The following CCDC88C variants were observed in gnomAD, a reference collection of about 807,000 sequenced individuals.
The protein encoded by CCDC88C is coiled-coil and HOOK domain protein 88C.
CCDC88C carries 131 observed loss-of-function variants against 198.8 expected under a neutral mutation model. The observed-to-expected ratio is 0.66, with a 90% CI of 0.57 to 0.76. The LOEUF is 0.76. Ranked by LOEUF, CCDC88C falls within the 30% of genes least tolerant of loss-of-function variation. The pLI is 0.00. For synonymous variants in CCDC88C, 1,166 were observed against 1,114.7 expected (o/e 1.05, Z -0.92); for missense variants, 2,553 against 2,631.6 (o/e 0.97, Z 0.65).
chr14:91,312,443 G>A (rs553912673), intron 15 of CCDC88C, among the ~76,000 whole-genome samples: 14 of 152,278 alleles, frequency 9.2e-5, no homozygotes, highest in Admixed American at 6.5e-4. Flanking sequence ...AGCACTTTGG[G>A]AGGCCGAGGC....
At chr14:91,322,506 G>A (rs1480528560) in intron 12 of CCDC88C, among the ~76,000 whole-genome samples, 1 of 152,104 alleles carries the variant, frequency 6.6e-6, no homozygotes, top group Non-Finnish European at 1.5e-5. Context: ...ACGCTTGGAG[G>A]GCTCCATCCC....
intron 3 of CCDC88C, among the ~76,000 whole-genome samples, chr14:91,360,167 C>T (rs1894242393): frequency 3.3e-5 from 5 of 151,800 alleles, no homozygotes; most frequent in African/African-American, 1.2e-4. Flanking sequence ...CCTGTAGTCT[C>T]AACGCTTTGG....
chr14:91,272,327 G>GCC lies in CCDC88C; in HGVS notation c.*297_*298insGG. 9.5e-6 allele frequency: 4 copies of GCC among 420,504 alleles called. No homozygotes were observed. The highest frequency in any genetic ancestry group is 8.3e-5 in the South Asian group (3 of 36,210). 26.0% of individuals were successfully genotyped at this position (420,504 alleles called of 1,614,324 possible). ...CATACTGGAGTAGTGTCTGCTTTGGGGGAAGTCAGTTTGTCATTGCATCCT... is the reference window on the plus strand; with the variant it reads ...CATACTGGAGTAGTGTCTGCTTTGGGCCGGAAGTCAGTTTGTCATTGCATCCT... On this transcript the variant is annotated 3_prime_UTR_variant, in exon 30 of 30. Coordinates refer to ENST00000389857, the MANE Select transcript of CCDC88C (RefSeq NM_001080414.4).
At position 91,338,582 on chromosome 14, in the gene CCDC88C, G is replaced by A. The variant is rs777722111; in HGVS notation, c.810-12C>T. On this transcript the variant is annotated splice_polypyrimidine_tract_variant and intron_variant, in intron 8 of 29. Transcript: ENST00000389857. The surrounding 1 kb of genome is among the most constrained non-coding windows in gnomAD (Gnocchi z 4.8). ...CTGTCTTATCCTCCCTGCAGAGGCA[G>A]TAAGGAGAAAGAGTGTGGGAGGCAG... is the stretch of plus-strand genomic sequence containing the variant. 1.3e-6 allele frequency: 2 copies of A among 1,553,606 alleles called. No individual in the cohort carries two copies. Among genetic ancestry groups the A allele is most frequent in the East Asian group, 2.4e-5 (1 of 41,310 alleles).
chr14:91,347,729 G>A (rs545108151), intron 4 of CCDC88C, among the ~76,000 whole-genome samples: 32 of 152,340 alleles, frequency 2.1e-4, no homozygotes, highest in African/African-American at 7.7e-4. Flanking sequence ...CTTTTACACT[G>A]TTGGTGGGAC....
At chr14:91,406,170 G>A (rs528374358) in intron 3 of CCDC88C, among the ~76,000 whole-genome samples, 11 of 152,336 alleles carry the variant, frequency 7.2e-5, no homozygotes, top group African/African-American at 2.6e-4. Context: ...ACAGTCTCAA[G>A]TGAGTGTCAA....
At chr14:91,386,300 A>AAC (rs1555428165) in intron 3 of CCDC88C, among the ~76,000 whole-genome samples, 1 of 150,390 alleles carries the variant, frequency 6.6e-6, no homozygotes, top group African/African-American at 2.4e-5. Context: ...AAAAAAAAAA[A>AAC]AAAACAAAAA....
At chr14:91,385,452 G>T (rs1885073968) in intron 3 of CCDC88C, among the ~76,000 whole-genome samples, 1 of 152,158 alleles carries the variant, frequency 6.6e-6, no homozygotes, top group Admixed American at 6.5e-5. Context: ...AGGTTCCCAG[G>T]AGGAGGAGCT....
Position 91,313,745 on chromosome 14 carries a change from G to A in CCDC88C, c.2071C>T (p.Gln691Ter). The change falls in exon 15 of 30, where the codon CAG becomes TAG. Residue 691 changes from glutamine to a stop codon, truncating the protein, a stop_gained. Transcript: ENST00000389857. LOFTEE classifies it high-confidence loss of function. This position sits in a 1 kb window ranked among gnomAD's most constrained non-coding sequence, Gnocchi z 5.2. ...SLDTLQNVSL[Q>*]LEGLERDNKQ... ...TTGTCACGCTCCAGGCCCTCAAGCT[G>A]CAGGGACACGTTCTGCAAGGTGTCC... is the stretch of plus-strand genomic sequence containing the variant. 1 of 1,608,692 alleles carries A rather than the reference G, an allele frequency of 6.2e-7. No homozygotes were observed. Among genetic ancestry groups the A allele is most frequent in the Non-Finnish European group, 8.5e-7 (1 of 1,179,784 alleles).
intron 3 of CCDC88C, among the ~76,000 whole-genome samples, chr14:91,395,705 G>C (rs563595253): frequency 6.6e-6 from 1 of 152,216 alleles, no homozygotes; most frequent in South Asian, 2.1e-4. Flanking sequence ...CCCAGGCCAG[G>C]ATTGCCCAGC....
At chr14:91,330,964 T>C (rs1892799404) in intron 10 of CCDC88C, among the ~76,000 whole-genome samples, 1 of 151,750 alleles carries the variant, frequency 6.6e-6, no homozygotes, top group South Asian at 2.1e-4. Flanking sequence ...GGGGTGGGCC[T>C]GCGATGGGAG....
intron 20 of CCDC88C, among the ~76,000 whole-genome samples, chr14:91,301,481 C>A (rs142643727): frequency 6.6e-6 from 1 of 152,148 alleles, no homozygotes; most frequent in Non-Finnish European, 1.5e-5. Context: ...TTTGGGAGGC[C>A]GAGACAGGTG....
intron 23 of CCDC88C, among the ~76,000 whole-genome samples, chr14:91,293,212 GCCACGGCCCACCTTCCTGCCCC>G: frequency 2.5e-5 from 1 of 39,634 alleles, no homozygotes; most frequent in East Asian, 6.4e-4. Context: ...CCCCTCACCT[GCCACGGCCCACCTTCCTGCCCC>G]CTCACCTGCC....
chr14:91,394,311 T>TC (rs1885704862), intron 3 of CCDC88C, among the ~76,000 whole-genome samples: 1 of 152,132 alleles, frequency 6.6e-6, no homozygotes, highest in Non-Finnish European at 1.5e-5. Flanking sequence ...CCCAGCCCCC[T>TC]CACTGCATTG....
rs546470767 is a variant in CCDC88C at position 91,292,676 on chromosome 14, T to C, written c.4112+1497A>G. ...ACGTCCCTTCTTGCCTTCCCCACAC[T>C]GATGCCAGCACACCAATGCCTGCCC... is the stretch of plus-strand genomic sequence containing the variant. On this transcript the variant is annotated intron_variant, in intron 23 of 29. Transcript: ENST00000389857. Among the ~76,000 whole-genome samples the C allele has an allele frequency of 3.9e-5, 6 of 152,178 alleles. No individual in the cohort carries two copies. In the East Asian group the frequency reaches 7.7e-4, roughly 20 times the overall value.
chr14:91,275,965 G>A (rs1889945536), intron 29 of CCDC88C, among the ~76,000 whole-genome samples: 2 of 151,592 alleles, frequency 1.3e-5, no homozygotes, highest in Non-Finnish European at 2.9e-5. Context: ...GGGACTACAG[G>A]CGCGCGCCAC....
chr14:91,403,721 C>T (rs1340508846), intron 3 of CCDC88C, among the ~76,000 whole-genome samples: 1 of 152,200 alleles, frequency 6.6e-6, no homozygotes, highest in Admixed American at 6.5e-5. Flanking sequence ...CTTGAGCTCC[C>T]AAGTTTGAGA....
At chr14:91,324,744 G>A (rs1183950647) in intron 12 of CCDC88C, 35 bp downstream of exon 12, 4 of 1,604,000 alleles carry the variant, frequency 2.5e-6, no homozygotes, top group South Asian at 2.2e-5. Flanking sequence ...GGCGGCCACG[G>A]CCAGGCTGGC....
At chr14:91,334,478 G>A (rs1596081681) in intron 10 of CCDC88C, among the ~76,000 whole-genome samples, 1 of 152,114 alleles carries the variant, frequency 6.6e-6, no homozygotes, top group East Asian at 1.9e-4. Flanking sequence ...GAACTCCTGG[G>A]CTCAAGAGAT....
Sources: allele counts gnomAD v4.1 joint callset (sites outside exome capture counted in the v4.1 genomes callset), GRCh38; gene constraint gnomAD v4.1.1; non-coding constraint Gnocchi (gnomAD v3.1); transcripts MANE v1.5; gene names NCBI Gene and HGNC (gene_info 2026-07-23, HGNC 2026-07-21).